Variants in PCDHA3 observed in about 807,000 individuals in gnomAD.
PCDHA3 encodes protocadherin alpha-3.
PCDHA3 carries 41 observed loss-of-function variants against 62.2 expected under a neutral mutation model. That is an observed-to-expected ratio of 0.66 (90% CI 0.51 to 0.86). PCDHA3 has a LOEUF of 0.86. Ranked by LOEUF, PCDHA3 falls within the 40% of genes least tolerant of loss-of-function variation. PCDHA3 has a pLI of 0.00. For synonymous variants in PCDHA3, 640 were observed against 555.4 expected (o/e 1.15, Z -2.14); for missense variants, 1,304 against 1,241.2 (o/e 1.05, Z -0.76).
intron 1 of PCDHA3, among the ~76,000 whole-genome samples, chr5:140,975,784 A>T (rs1216156931): frequency 1.3e-5 from 2 of 151,914 alleles, no homozygotes; most frequent in African/African-American, 4.8e-5. Flanking sequence ...CCATTACAAG[A>T]TAAATTAAAT....
chr5:140,898,999 A>G (rs2067088188), intron 1 of PCDHA3, among the ~76,000 whole-genome samples: 2 of 151,690 alleles, frequency 1.3e-5, no homozygotes, highest in African/African-American at 4.8e-5. Context: ...TTTGTCTGTT[A>G]TTGGTGTATA....
intron 1 of PCDHA3, among the ~76,000 whole-genome samples, chr5:140,960,693 T>C (rs2095562408): frequency 6.6e-6 from 1 of 152,136 alleles, no homozygotes; most frequent in Non-Finnish European, 1.5e-5. Flanking sequence ...AATGAGGGTG[T>C]TCTTTAGTGC....
In PCDHA3 at chr5:140,802,718, C is replaced by A; in HGVS notation, c.1521C>A (p.Tyr507Ter). 6.2e-7 allele frequency: 1 copy of A among 1,612,590 alleles called. No homozygotes were observed. Among genetic ancestry groups the A allele is most frequent in the South Asian group, 1.1e-5 (1 of 91,016 alleles). ...RRVGERALSS[Y>*]VSVHAESGKV... is the part of the protein sequence containing the mutation. ...TGGGGGAGCGCGCGCTGTCGAGCTA[C>A]GTGTCGGTACACGCGGAGAGCGGCA... is the stretch of plus-strand genomic sequence containing the variant. Residue 507 changes from tyrosine to a stop codon, truncating the protein, a stop_gained, in exon 1 of 4, where the codon TAC becomes TAA. Coordinates refer to ENST00000522353, the MANE Select transcript of PCDHA3 (RefSeq NM_018906.3). LOFTEE classifies it high-confidence loss of function.
chr5:140,884,241 C>A (rs782355331), intron 1 of PCDHA3: 5 of 1,613,408 alleles, frequency 3.1e-6, no homozygotes, highest in Non-Finnish European at 4.2e-6. Flanking sequence ...GGTGAGCCCG[C>A]GCTGACGGCC....
At chr5:140,829,723 T>C in intron 1 of PCDHA3, 2 of 1,613,596 alleles carry the variant, frequency 1.2e-6, no homozygotes, top group Non-Finnish European at 1.7e-6. Flanking sequence ...GCGTGCCGCC[T>C]CTGGGCAGCA....
At chr5:140,987,938 C>G (rs2153869339) in intron 3 of PCDHA3, among the ~76,000 whole-genome samples, 1 of 152,208 alleles carries the variant, frequency 6.6e-6, no homozygotes, top group East Asian at 1.9e-4. Context: ...AGGATTCTTA[C>G]CTGTCTGACA....
At chr5:140,835,431 T>C (rs2150235593) in intron 1 of PCDHA3, 1 of 1,613,912 alleles carries the variant, frequency 6.2e-7, no homozygotes, top group Non-Finnish European at 8.5e-7. Context: ...TGCTCCACAG[T>C]TGACTCTCAC....
chr5:140,927,137 A>T, intron 1 of PCDHA3: 1 of 1,614,052 alleles, frequency 6.2e-7, no homozygotes, highest in Non-Finnish European at 8.5e-7. Context: ...GAGCCGGCGG[A>T]CCGCGAACAG....
chr5:140,821,774 A>G (rs2150110561), intron 1 of PCDHA3: 43 of 1,605,178 alleles, frequency 2.7e-5, no homozygotes, highest in Non-Finnish European at 3.7e-5. Flanking sequence ...AACGAGATTG[A>G]GATGGTATAT....
chr5:140,883,259 G>A (rs573584031), intron 1 of PCDHA3: 1 of 1,614,000 alleles, frequency 6.2e-7, no homozygotes, highest in East Asian at 2.2e-5. Flanking sequence ...TATTCCAATG[G>A]CGGGTCATTG....
intron 3 of PCDHA3, among the ~76,000 whole-genome samples, chr5:140,987,224 A>T (rs28567024): frequency 4.6e-5 from 7 of 152,044 alleles, no homozygotes; most frequent in East Asian, 1.9e-4. Context: ...AAAAAAAAAA[A>T]AAATAATAAA....
Position 141,010,149 on chromosome 5 carries a change from C to T in PCDHA3, c.*212C>T. 6.3e-7 allele frequency: 1 copy of T among 1,580,088 alleles called. No individual in the cohort carries two copies. Among genetic ancestry groups the T allele is most frequent in the Non-Finnish European group, 8.6e-7 (1 of 1,161,942 alleles). On this transcript the variant is annotated 3_prime_UTR_variant, in exon 4 of 4. Transcript: ENST00000522353. ...GTCTGGTGTTAACTCTTTCTCTCCA[C>T]TCTGGCTTGTTTTCAGAACCTAAAA...
chr5:140,994,102 A>G (rs2097596379), intron 3 of PCDHA3, among the ~76,000 whole-genome samples: 1 of 152,194 alleles, frequency 6.6e-6, no homozygotes, highest in African/African-American at 2.4e-5. Context: ...TGATGGAAAT[A>G]TTACATTGTC....
At chr5:140,949,975 A>AT (rs2153688056) in intron 1 of PCDHA3, among the ~76,000 whole-genome samples, 1 of 152,044 alleles carries the variant, frequency 6.6e-6, no homozygotes, top group South Asian at 2.1e-4. Flanking sequence ...TACAGCATAC[A>AT]TACTTAACTT....
intron 1 of PCDHA3, among the ~76,000 whole-genome samples, chr5:140,938,931 A>T (rs1371527205): frequency 6.6e-6 from 1 of 152,044 alleles, no homozygotes; most frequent in African/African-American, 2.4e-5. Context: ...TTGGCTTTTA[A>T]CTTTCCATTC....
At chr5:140,947,134 A>T in intron 1 of PCDHA3, among the ~76,000 whole-genome samples, 1 of 151,648 alleles carries the variant, frequency 6.6e-6, no homozygotes, top group Admixed American at 6.6e-5. Context: ...AAAAATAGTA[A>T]AATGTATAGT....
At chr5:140,972,798 A>G (rs782291338) in intron 1 of PCDHA3, among the ~76,000 whole-genome samples, 6 of 151,178 alleles carry the variant, frequency 4.0e-5, no homozygotes, top group Admixed American at 2.6e-4. Flanking sequence ...TGAGTAGCTG[A>G]GATTACAGGC....
In PCDHA3 at chr5:141,009,476, C is replaced by G. The variant is rs970744618; in HGVS notation, c.2543-151C>G. ...TTAAACAAATAAATAAATAAGTAAA[C>G]ACTTGCCTTGCCCTCAGACTTGAAC... On this transcript the variant is annotated intron_variant, in intron 3 of 3. Coordinates refer to ENST00000522353, the MANE Select transcript of PCDHA3 (RefSeq NM_018906.3). 2.3e-5 allele frequency: 32 copies of G among 1,420,036 alleles called. No individual in the cohort carries two copies. The East Asian group carries it at 7.2e-4, about 32-fold the overall frequency. 88.0% of individuals were successfully genotyped at this position (1,420,036 alleles called of 1,614,324 possible).
intron 1 of PCDHA3, chr5:140,875,764 C>A (rs782377276): frequency 6.2e-7 from 1 of 1,614,196 alleles, no homozygotes; most frequent in Non-Finnish European, 8.5e-7. Flanking sequence ...GCTGTGCGGG[C>A]GGAGCGCGGA....
Sources: allele counts gnomAD v4.1 joint callset (sites outside exome capture counted in the v4.1 genomes callset), GRCh38; gene constraint gnomAD v4.1.1; transcripts MANE v1.5; gene names NCBI Gene and HGNC (gene_info 2026-07-23, HGNC 2026-07-21).